The following ARL6 variants were observed in gnomAD, a reference collection of about 807,000 sequenced individuals.
ARL6 encodes ARF like GTPase 6.
ARL6 carries 18 observed loss-of-function variants against 27.1 expected under a neutral mutation model. That is an observed-to-expected ratio of 0.66 (90% confidence interval 0.46 to 0.98). ARL6 has a LOEUF of 0.98. Among genes scored for constraint, ARL6 ranks in the 50% least tolerant of loss-of-function variants. ARL6 has a pLI of 0.00. For synonymous variants in ARL6, 65 were observed against 72.3 expected (o/e 0.90, Z 0.51); for missense variants, 187 against 214.9 (o/e 0.87, Z 0.81).
rs1238374949 is a variant in ARL6, at chr3:97,768,153, A to G, written c.46A>G (p.Lys16Glu). The G allele has an allele frequency of 3.1e-6, 5 of 1,613,170 alleles. No individual in the cohort carries two copies. Among genetic ancestry groups the G allele is most frequent in the Non-Finnish European group, 4.2e-6 (5 of 1,179,238 alleles). Residue 16 changes from lysine to glutamate, a missense_variant, in exon 2 of 8, where the codon AAG becomes GAG. By Grantham distance (56) the Lys-to-Glu change is moderately conservative. Transcript: ENST00000463745. ...RLSVLLGLKK[K>E]EVHVLCLGLD... ...TTCAGTCTTGCTTGGCCTGAAGAAGAAGGAGGTTCATGTTTTGTGCCTTGG... is the reference window on the plus strand; with the variant it reads ...TTCAGTCTTGCTTGGCCTGAAGAAGGAGGAGGTTCATGTTTTGTGCCTTGG...
At chr3:97,764,547 T>C (rs1310782757), upstream of ARL6, 1 of 152,490 alleles carries the variant, frequency 6.6e-6, no homozygotes, top group Middle Eastern at 3.4e-3. Context: ...CGCCGGGAAC[T>C]GCCCGGCTCC....
At position 97,780,171 on chromosome 3, in the gene ARL6, A is replaced by G. The variant is rs778719960; in HGVS notation, c.136A>G (p.Asn46Asp). ...TTTTCTCTTAAAGGCTCAATCTCAA[A>G]ATATCCTTCCAACAATAGGATTCAG... ...KLKPSNAQSQ[N>D]ILPTIGFSIE... Residue 46 changes from asparagine (N) to aspartate (D), a missense_variant, in exon 3 of 8, where the codon AAT becomes GAT. By Grantham distance (23) the Asn-to-Asp change is conservative. Transcript: ENST00000463745. 6.2e-7 allele frequency: 1 copy of G among 1,612,798 alleles called. No homozygotes were observed. The highest frequency in any genetic ancestry group is 1.1e-5 in the South Asian group (1 of 91,038).
intron 4 of ARL6, among the ~76,000 whole-genome samples, chr3:97,782,498 A>G (rs928652494): frequency 6.6e-6 from 1 of 152,010 alleles, no homozygotes; most frequent in African/African-American, 2.4e-5. Context: ...TACTTTTCTA[A>G]CTGTGAAACA....
chr3:97,784,557 A>G (rs2037355548), intron 4 of ARL6, among the ~76,000 whole-genome samples: 1 of 151,778 alleles, frequency 6.6e-6, no homozygotes, highest in African/African-American at 2.4e-5. Context: ...TTTTAAATAC[A>G]TATATAGTTT....
At chr3:97,771,283 G>A (rs565321801) in intron 2 of ARL6, among the ~76,000 whole-genome samples, 2 of 151,342 alleles carry the variant, frequency 1.3e-5, no homozygotes, top group South Asian at 4.2e-4. Flanking sequence ...ATTATATATG[G>A]GATTACTTTC....
intron 4 of ARL6, 70 bp downstream of exon 4, chr3:97,780,753 A>C (rs893962096): frequency 9.7e-6 from 12 of 1,233,160 alleles, no homozygotes; most frequent in Non-Finnish European, 4.8e-6. Context: ...AATCCAAAGA[A>C]TTATATGGCT....
chr3:97,785,870 G>A (rs2108058469), intron 5 of ARL6, among the ~76,000 whole-genome samples: 1 of 152,188 alleles, frequency 6.6e-6, no homozygotes, highest in East Asian at 1.9e-4. Flanking sequence ...AGAAAAGGAT[G>A]GTGGTTTAAG....
At chr3:97,765,033 T>G (rs901998046) in intron 1 of ARL6, 56 bp downstream of exon 1, 2 of 152,258 alleles carry the variant, frequency 1.3e-5, no homozygotes, top group Admixed American at 1.3e-4. Flanking sequence ...CCCGTCAGTT[T>G]TAGAATTCCT....
At chr3:97,772,055 G>C (rs958596779) in intron 2 of ARL6, among the ~76,000 whole-genome samples, 1 of 152,118 alleles carries the variant, frequency 6.6e-6, no homozygotes, top group African/African-American at 2.4e-5. Context: ...AATGAGTTTG[G>C]AAGTGTTTCC....
intron 6 of ARL6, among the ~76,000 whole-genome samples, chr3:97,790,173 G>A (rs2037665731): frequency 6.6e-6 from 1 of 151,520 alleles, no homozygotes; most frequent in African/African-American, 2.4e-5. Context: ...ATGTCAGCTG[G>A]GAAGATGAGA....
At chr3:97,793,683 C>A (rs1477084314) in intron 7 of ARL6, among the ~76,000 whole-genome samples, 2 of 152,072 alleles carry the variant, frequency 1.3e-5, no homozygotes, top group Admixed American at 1.3e-4. Flanking sequence ...ATTTTTGTTT[C>A]TTTCACTTTT....
At chr3:97,784,404 T>C (rs2037345631) in intron 4 of ARL6, among the ~76,000 whole-genome samples, 1 of 151,648 alleles carries the variant, frequency 6.6e-6, no homozygotes, top group African/African-American at 2.4e-5. Context: ...GTCTACTGTA[T>C]CTTAATACAA....
chr3:97,775,779 C>A (rs1467321332), intron 2 of ARL6, among the ~76,000 whole-genome samples: 1 of 152,080 alleles, frequency 6.6e-6, no homozygotes, highest in Non-Finnish European at 1.5e-5. Context: ...TAGTTTTATT[C>A]CATTGTGGTT....
At chr3:97,780,291 C>A in intron 3 of ARL6, 71 bp downstream of exon 3, 1 of 1,165,116 alleles carries the variant, frequency 8.6e-7, no homozygotes, top group Non-Finnish European at 1.3e-6. Flanking sequence ...CCTGGTCATT[C>A]TTCCTACCCT....
chr3:97,787,736 C>G (rs1466160544), intron 5 of ARL6, among the ~76,000 whole-genome samples: 1 of 152,026 alleles, frequency 6.6e-6, no homozygotes, highest in Middle Eastern at 3.2e-3. Flanking sequence ...TTATTGAGCT[C>G]CAGTCCCACC....
chr3:97,785,162 A>T, intron 5 of ARL6, 113 bp downstream of exon 5: 1 of 765,998 alleles, frequency 1.3e-6, no homozygotes, highest in African/African-American at 1.7e-5. Flanking sequence ...AAAATTTTTG[A>T]ATTTAAAACA....
chr3:97,780,765 G>C, intron 4 of ARL6, 82 bp downstream of exon 4: 1 of 1,105,674 alleles, frequency 9.0e-7, no homozygotes, highest in Non-Finnish European at 1.4e-6. Context: ...TATATGGCTA[G>C]GTTGTTTGGC....
chr3:97,780,607 T>A lies in ARL6; in HGVS notation c.186-8T>A. 5.0e-6 allele frequency: 8 copies of A among 1,611,596 alleles called. No individual in the cohort carries two copies. Among genetic ancestry groups the A allele is most frequent in the Non-Finnish European group, 6.8e-6 (8 of 1,177,954 alleles). ...TATAATGTAGTCATGTTTTGCTTCT[T>A]TTTGTAGTTTGTCATTTACAGTGTT... On this transcript the variant is annotated splice_region_variant and splice_polypyrimidine_tract_variant and intron_variant, in intron 3 of 7. Coordinates refer to ENST00000463745, the MANE Select transcript of ARL6 (RefSeq NM_001278293.3).
At chr3:97,784,853 A>G in intron 4 of ARL6, 102 bp from the exon 5 acceptor site, 3 of 766,946 alleles carry the variant, frequency 3.9e-6, no homozygotes, top group Non-Finnish European at 6.8e-6. Flanking sequence ...TGGACATAGG[A>G]CATAAGGAGA....
Sources: allele counts gnomAD v4.1 joint callset (sites outside exome capture counted in the v4.1 genomes callset), GRCh38; gene constraint gnomAD v4.1.1; transcripts MANE v1.5; gene names NCBI Gene and HGNC (gene_info 2026-07-23, HGNC 2026-07-21).